The following SLC36A1 variants were observed in gnomAD, a reference collection of about 807,000 sequenced individuals.
The protein encoded by SLC36A1 is solute carrier family 36 member 1.
In SLC36A1, 30 loss-of-function variants were observed where a neutral mutation model predicts 47.5. The observed-to-expected ratio is 0.63, with a 90% CI of 0.47 to 0.86. The LOEUF is 0.86. Ranked by LOEUF, SLC36A1 falls within the 40% of genes least tolerant of loss-of-function variation. The probability of loss-of-function intolerance (pLI) is 0.00; values close to 1 mark genes in which losing one functional copy is unlikely to be tolerated. For synonymous variants in SLC36A1, 255 were observed against 249.7 expected, an observed-to-expected ratio of 1.02 and a Z score of -0.20; for missense variants, 517 against 606.0, an observed-to-expected ratio of 0.85 and a Z score of 1.54.
intron 9 of SLC36A1, 88 bp from the exon 10 acceptor site, chr5:151,479,232 C>A: frequency 7.0e-6 from 10 of 1,429,224 alleles, no homozygotes; most frequent in Non-Finnish European, 9.6e-6. Context: ...TAAGTGTCAA[C>A]AAATCGCAAT....
the SLC36A1 span, among the ~76,000 whole-genome samples, chr5:151,365,142 A>C: frequency 6.6e-6 from 1 of 152,206 alleles, no homozygotes; most frequent in Admixed American, 6.5e-5. Flanking sequence ...AGGCAAAATC[A>C]GGGCACTGTT....
the SLC36A1 span, chr5:151,553,161 C>T: frequency 6.2e-7 from 1 of 1,613,850 alleles, no homozygotes; most frequent in Non-Finnish European, 8.5e-7. Context: ...TTGTTGGGCC[C>T]TAGGCCTTGC....
At chr5:151,350,972 T>G in the SLC36A1 span, among the ~76,000 whole-genome samples, 7 of 152,164 alleles carry the variant, frequency 4.6e-5, no homozygotes, top group Admixed American at 2.0e-4. Context: ...GGACAATGTT[T>G]TTAATGCTAA....
chr5:151,413,248 A>G, the SLC36A1 span, among the ~76,000 whole-genome samples: 2 of 151,460 alleles, frequency 1.3e-5, no homozygotes, highest in Non-Finnish European at 2.9e-5. Context: ...TTTTCCAAAT[A>G]TGGATTTTGT....
intron 8 of SLC36A1, 115 bp from the exon 9 acceptor site, chr5:151,476,474 CT>C: frequency 2.5e-6 from 2 of 794,302 alleles, no homozygotes; most frequent in Admixed American, 2.7e-5. Flanking sequence ...AGCAGATGTG[CT>C]TCTGGAGAAT....
chr5:151,442,851 T>C (rs918179211), upstream of SLC36A1, among the ~76,000 whole-genome samples: 3 of 152,180 alleles, frequency 2.0e-5, no homozygotes, highest in Non-Finnish European at 4.4e-5. Flanking sequence ...TCTCTGTGTA[T>C]TTGACTTGAA....
chr5:151,433,233 TATATATA>T (rs1759483997), upstream of SLC36A1, among the ~76,000 whole-genome samples: 1 of 7,762 alleles, frequency 1.3e-4, no homozygotes, highest in East Asian at 3.8e-3. Flanking sequence ...TATATATATA[TATATATA>T]TATATATATA....
intron 9 of SLC36A1, among the ~76,000 whole-genome samples, chr5:151,478,688 C>G (rs1758404858): frequency 6.6e-6 from 1 of 152,186 alleles, no homozygotes; most frequent in African/African-American, 2.4e-5. Context: ...CACCCCGCGC[C>G]CTCCACTCTA....
At chr5:151,347,639 A>G in the SLC36A1 span, 1 of 659,498 alleles carries the variant, frequency 1.5e-6, no homozygotes, top group Non-Finnish European at 2.6e-6. Flanking sequence ...TCCTGCCTGG[A>G]GAAGCCAGTG....
At chr5:151,551,189 A>G in the SLC36A1 span, among the ~76,000 whole-genome samples, 3 of 152,142 alleles carry the variant, frequency 2.0e-5, no homozygotes, top group Non-Finnish European at 4.4e-5. Context: ...CCACTTACCC[A>G]ACCATCATCC....
At chr5:151,525,973 C>G in the SLC36A1 span, 1 of 1,613,478 alleles carries the variant, frequency 6.2e-7, no homozygotes, top group South Asian at 1.1e-5. Context: ...CTCCTGAGAC[C>G]GAGAGTGACA....
intron 9 of SLC36A1, 134 bp from the exon 10 acceptor site, chr5:151,479,186 G>A: frequency 1.2e-6 from 1 of 828,740 alleles, no homozygotes; most frequent in East Asian, 2.5e-5. Flanking sequence ...ACATGAAATT[G>A]CTGGGTCCGA....
the SLC36A1 span, among the ~76,000 whole-genome samples, chr5:151,555,998 A>C: frequency 6.6e-6 from 1 of 152,110 alleles, no homozygotes; most frequent in East Asian, 1.9e-4. Context: ...TCTGCTACTG[A>C]CCTAGTGTTT....
the SLC36A1 span, among the ~76,000 whole-genome samples, chr5:151,400,057 A>G: frequency 1.3e-5 from 2 of 152,100 alleles, no homozygotes; most frequent in African/African-American, 4.8e-5. Flanking sequence ...GGTTTGTTAC[A>G]TGGGTATATT....
chr5:151,469,201 T>C, intron 7 of SLC36A1: 2 of 691,078 alleles, frequency 2.9e-6, no homozygotes, highest in South Asian at 1.5e-5. Context: ...ACCCCGAGTC[T>C]CCTCTCAGGG....
At chr5:151,522,704 C>A in the SLC36A1 span, among the ~76,000 whole-genome samples, 1 of 152,104 alleles carries the variant, frequency 6.6e-6, no homozygotes, top group Non-Finnish European at 1.5e-5. Flanking sequence ...TGTGGAGTGA[C>A]ATTTGAGTCC....
chr5:151,429,205 A>T, the SLC36A1 span, among the ~76,000 whole-genome samples: 1,745 of 151,788 alleles, frequency 0.011, 28 homozygotes, highest in African/African-American at 0.039. Flanking sequence ...TTTATTTTTT[A>T]AAATTTTTTT....
the SLC36A1 span, chr5:151,347,302 G>A: frequency 6.2e-7 from 1 of 1,614,188 alleles, no homozygotes; most frequent in Non-Finnish European, 8.5e-7. Flanking sequence ...CTCACGTTAT[G>A]CCCTTGGTCT....
chr5:151,470,563 T>C (rs1050345042), intron 7 of SLC36A1, among the ~76,000 whole-genome samples: 1 of 152,174 alleles, frequency 6.6e-6, no homozygotes, highest in African/African-American at 2.4e-5. Context: ...GAGTACAGCA[T>C]GGGGGAAGAG....
Sources: allele counts gnomAD v4.1 joint callset (sites outside exome capture counted in the v4.1 genomes callset), GRCh38; gene constraint gnomAD v4.1.1; transcripts MANE v1.5; gene names NCBI Gene and HGNC (gene_info 2026-07-23, HGNC 2026-07-21).